MYO5B: variants seen among roughly 807,000 people sequenced by gnomAD.
MYO5B encodes the protein unconventional myosin-Vb.
In MYO5B, 143 loss-of-function variants were observed where a neutral mutation model predicts 229.3. The ratio of observed to expected loss-of-function variants is 0.62; its 90% confidence interval spans 0.54 to 0.72. The LOEUF (loss-of-function observed/expected upper bound fraction) is 0.72, where lower values mean the gene tolerates loss of function less well. Among genes scored for constraint, MYO5B ranks in the 30% least tolerant of loss-of-function variants. The pLI is 0.00. For missense variants in MYO5B, 2,321 were observed against 2,331.0 expected (o/e 1.00, Z 0.09); for synonymous variants, 918 against 885.2 (o/e 1.04, Z -0.66).
At chr18:50,157,752 A>G (rs1454898281) in intron 1 of MYO5B, among the ~76,000 whole-genome samples, 1 of 152,136 alleles carries the variant, frequency 6.6e-6, no homozygotes, top group Non-Finnish European at 1.5e-5. Flanking sequence ...TGCTCTTAAC[A>G]TTTACCTGTG....
intron 1 of MYO5B, among the ~76,000 whole-genome samples, chr18:50,092,905 A>G (rs1269538439): frequency 6.6e-6 from 1 of 152,212 alleles, no homozygotes; most frequent in Non-Finnish European, 1.5e-5. Flanking sequence ...CAGAATACAT[A>G]AAGGAAAATG....
chr18:50,116,309 A>G (rs1178834657), intron 1 of MYO5B, among the ~76,000 whole-genome samples: 1 of 152,152 alleles, frequency 6.6e-6, no homozygotes, highest in South Asian at 2.1e-4. Flanking sequence ...ACTAGTCAAC[A>G]GTCATCACTT....
intron 1 of MYO5B, among the ~76,000 whole-genome samples, chr18:50,075,666 C>A (rs1462660932): frequency 6.6e-6 from 1 of 152,164 alleles, no homozygotes; most frequent in Non-Finnish European, 1.5e-5. Context: ...AGGCTTTAGG[C>A]TTCTAGATTC....
At chr18:49,855,431 T>C (rs1224551036) in intron 30 of MYO5B, among the ~76,000 whole-genome samples, 1 of 152,220 alleles carries the variant, frequency 6.6e-6, no homozygotes, top group African/African-American at 2.4e-5. Flanking sequence ...CAGTTGCCGA[T>C]TCATGAAACC....
intron 1 of MYO5B, among the ~76,000 whole-genome samples, chr18:50,159,896 C>T (rs189878521): frequency 3.3e-4 from 50 of 152,348 alleles, no homozygotes; most frequent in African/African-American, 1.1e-3. Flanking sequence ...CTTCAGATGG[C>T]AGGAACCCTG....
At chr18:49,920,048 G>C (rs2025057808) in intron 17 of MYO5B, among the ~76,000 whole-genome samples, 1 of 152,210 alleles carries the variant, frequency 6.6e-6, no homozygotes, top group South Asian at 2.1e-4. Context: ...TGAGTGAAAA[G>C]AGCCAGACAC....
intron 1 of MYO5B, among the ~76,000 whole-genome samples, chr18:50,056,503 G>A (rs541714005): frequency 8.5e-5 from 13 of 152,134 alleles, no homozygotes; most frequent in African/African-American, 1.9e-4. Context: ...TGTAGAAGCC[G>A]TCAGTACACA....
At chr18:50,005,690 T>C (rs1253165670) in intron 4 of MYO5B, among the ~76,000 whole-genome samples, 2 of 152,318 alleles carry the variant, frequency 1.3e-5, no homozygotes, top group East Asian at 3.9e-4. Flanking sequence ...GTGCTAGAAT[T>C]ACAGGCATGA....
At chr18:50,115,949 T>C (rs548178869) in intron 1 of MYO5B, among the ~76,000 whole-genome samples, 30 of 152,262 alleles carry the variant, frequency 2.0e-4, no homozygotes, top group African/African-American at 7.0e-4. Flanking sequence ...TCACTAATCA[T>C]AGATGCATGA....
intron 31 of MYO5B, among the ~76,000 whole-genome samples, chr18:49,853,144 C>T (rs754487882): frequency 2.0e-5 from 3 of 152,184 alleles, no homozygotes; most frequent in African/African-American, 7.2e-5. Flanking sequence ...TGAGGAGTCT[C>T]GCTGTTCCTG....
intron 18 of MYO5B, among the ~76,000 whole-genome samples, chr18:49,907,627 A>G (rs2024914054): frequency 6.6e-6 from 1 of 152,354 alleles, no homozygotes; most frequent in East Asian, 1.9e-4. Flanking sequence ...CACACACAAC[A>G]TTGCATTTCA....
Position 49,880,415 on chromosome 18 carries a change from T to C in MYO5B, c.3086A>G (p.Asp1029Gly), listed in dbSNP as rs377722632. ...DLEQENALLKDEKEQLNNQIL... is the reference protein window; with the variant it reads ...DLEQENALLKGEKEQLNNQIL... ...TTGGTTGTTGAGCTGTTCTTTCTCA[T>C]CTTTCAAGAGAGCATTTTCTTGCTC... Residue 1029 changes from aspartate (D) to glycine (G), a missense_variant, in exon 23 of 40, where the codon GAT becomes GGT. Coordinates refer to ENST00000285039, the MANE Select transcript of MYO5B (RefSeq NM_001080467.3). 6.2e-7 allele frequency: 1 copy of C among 1,614,014 alleles called. No homozygotes were observed. Among genetic ancestry groups the C allele is most frequent in the Non-Finnish European group, 8.5e-7 (1 of 1,180,016 alleles).
intron 7 of MYO5B, among the ~76,000 whole-genome samples, chr18:49,988,419 A>T (rs1448558081): frequency 6.6e-6 from 1 of 152,142 alleles, no homozygotes; most frequent in Admixed American, 6.5e-5. Flanking sequence ...GGAAAAAAAT[A>T]CTGATCAAAT....
At chr18:49,971,437 G>T (rs1598921390) in intron 10 of MYO5B, among the ~76,000 whole-genome samples, 1 of 152,248 alleles carries the variant, frequency 6.6e-6, no homozygotes, top group Non-Finnish European at 1.5e-5. Context: ...GCTCACACAT[G>T]CTATCCCAAG....
At chr18:50,174,326 G>A (rs139370201) in intron 1 of MYO5B, among the ~76,000 whole-genome samples, 8 of 152,258 alleles carry the variant, frequency 5.3e-5, no homozygotes, top group African/African-American at 1.7e-4. Flanking sequence ...GAGTATCACA[G>A]GGGATGGTGC....
intron 17 of MYO5B, among the ~76,000 whole-genome samples, chr18:49,924,631 C>A (rs926749166): frequency 6.6e-6 from 1 of 152,228 alleles, no homozygotes. Flanking sequence ...TGCTTCACCC[C>A]TTCCTCCTCT....
intron 30 of MYO5B, among the ~76,000 whole-genome samples, chr18:49,854,230 C>T (rs1362433992): frequency 6.6e-6 from 1 of 152,176 alleles, no homozygotes; most frequent in African/African-American, 2.4e-5. Context: ...ATACAAGTTT[C>T]CTCCAGCCAA....
At chr18:49,883,777 A>G (rs1248463098) in intron 22 of MYO5B, among the ~76,000 whole-genome samples, 4 of 152,252 alleles carry the variant, frequency 2.6e-5, no homozygotes, top group Non-Finnish European at 5.9e-5. Flanking sequence ...ATAAAGACAG[A>G]CATACTGATC....
At chr18:49,869,642 C>T (rs2024435754) in intron 27 of MYO5B, among the ~76,000 whole-genome samples, 1 of 152,314 alleles carries the variant, frequency 6.6e-6, no homozygotes, top group Non-Finnish European at 1.5e-5. Context: ...TCAAGGACAG[C>T]TAAATGAGAG....
Sources: gnomAD v4.1 joint callset for allele counts (sites outside exome capture counted in the v4.1 genomes callset) on GRCh38, gnomAD v4.1.1 for gene constraint, MANE v1.5 for transcripts, NCBI Gene and HGNC (gene_info 2026-07-23, HGNC 2026-07-21) for gene names.